The following NCAM1 variants were observed in gnomAD, a reference collection of about 807,000 sequenced individuals.
NCAM1 encodes the protein neural cell adhesion molecule 1, also known as antigen recognized by monoclonal antibody 5.1H11.
A neutral mutation model predicts 109.8 loss-of-function variants in NCAM1; 14 were observed. The observed-to-expected ratio is 0.13, with a 90% CI of 0.08 to 0.20. NCAM1 has a LOEUF of 0.20. Ranked by LOEUF, NCAM1 falls within the 10% of genes least tolerant of loss-of-function variation. NCAM1 has a pLI of 1.00. For missense variants in NCAM1, 774 were observed against 1,109.9 expected (o/e 0.70, Z 4.30); for synonymous variants, 418 against 442.9 (o/e 0.94, Z 0.70).
chr11:113,184,753 A>G (rs1943443885), intron 1 of NCAM1, among the ~76,000 whole-genome samples: 1 of 152,050 alleles, frequency 6.6e-6, no homozygotes, highest in Non-Finnish European at 1.5e-5. Context: ...AGATTGCCCA[A>G]CTGATCAGCT....
At chr11:113,180,478 A>G (rs1943297112) in intron 1 of NCAM1, among the ~76,000 whole-genome samples, 1 of 152,252 alleles carries the variant, frequency 6.6e-6, no homozygotes, top group Non-Finnish European at 1.5e-5. Flanking sequence ...ACTTGATACT[A>G]AAAGAATTAT....
In NCAM1 at chr11:113,233,466, C is replaced by T. The variant is rs1945069782; in HGVS notation, c.1693+149C>T. 3.5e-6 allele frequency: 3 copies of T among 849,566 alleles called. No individual in the cohort carries two copies. Among genetic ancestry groups the T allele is most frequent in the Non-Finnish European group, 3.6e-6 (2 of 555,832 alleles). 52.6% of individuals were successfully genotyped at this position (849,566 alleles called of 1,614,324 possible). On this transcript the variant is annotated intron_variant, in intron 13 of 19. Coordinates refer to ENST00000316851, the MANE Select transcript of NCAM1 (RefSeq NM_181351.5). The surrounding 1 kb of genome is among the most constrained non-coding windows in gnomAD (Gnocchi z 4.5). ...GTCATATCTGCCTGTAGAGTTGTTG[C>T]CCCTATTGCCACCCCAACCCATGCT...
intron 1 of NCAM1, among the ~76,000 whole-genome samples, chr11:113,192,169 G>T (rs1215945322): frequency 6.6e-6 from 1 of 152,202 alleles, no homozygotes; most frequent in Non-Finnish European, 1.5e-5. Flanking sequence ...GAGTCATTTT[G>T]TCAAGGTTTC....
intron 1 of NCAM1, among the ~76,000 whole-genome samples, chr11:112,990,131 C>T (rs1173320967): frequency 6.6e-6 from 1 of 152,152 alleles, no homozygotes; most frequent in African/African-American, 2.4e-5. Context: ...GGACTGTCTC[C>T]AGGACTTTGG....
At chr11:113,224,373 C>T (rs1565511022) in intron 9 of NCAM1, among the ~76,000 whole-genome samples, 1 of 152,194 alleles carries the variant, frequency 6.6e-6, no homozygotes, top group Non-Finnish European at 1.5e-5. Flanking sequence ...AAGGCGGCAG[C>T]AAGGCTGGGG....
Position 113,214,514 on chromosome 11 carries a change from A to G in NCAM1, c.1059+3A>G. On this transcript the variant is annotated splice_donor_region_variant and intron_variant, in intron 8 of 19. Coordinates refer to ENST00000316851, the MANE Select transcript of NCAM1 (RefSeq NM_181351.5). ...GGAACATCAGCAGCGAAGAAAAGGT[A>G]TCATGCTCCCCAGGAGTTTCAGGGC... The G allele has an allele frequency of 6.2e-7, 1 of 1,601,872 alleles. No homozygotes were observed. The highest frequency in any genetic ancestry group is 8.5e-7 in the Non-Finnish European group (1 of 1,174,008).
Position 113,277,435 on chromosome 11 carries a change from C to T in NCAM1, c.*2048C>T. 1 of 399,070 alleles carries T rather than the reference C, an allele frequency of 2.5e-6. No homozygotes were observed. Among genetic ancestry groups the T allele is most frequent in the Non-Finnish European group, 4.4e-6 (1 of 226,096 alleles). 24.7% of individuals were successfully genotyped at this position (399,070 alleles called of 1,614,324 possible). Reference sequence around the variant, plus strand: ...CCTGCACAGATCTCTGGTTCAAATGCACAGGCCCTCAGAATAGAGGAACAT... The same window carrying T: ...CCTGCACAGATCTCTGGTTCAAATGTACAGGCCCTCAGAATAGAGGAACAT... On this transcript the variant is annotated 3_prime_UTR_variant, in exon 20 of 20. Transcript: ENST00000316851.
chr11:113,252,804 T>C (rs1555121623), intron 15 of NCAM1, among the ~76,000 whole-genome samples: 1 of 122,924 alleles, frequency 8.1e-6, no homozygotes, highest in African/African-American at 3.2e-5. Flanking sequence ...CCCAGCTTTT[T>C]TTTTTTTTTT....
At chr11:113,009,914 G>A (rs781804217) in intron 1 of NCAM1, among the ~76,000 whole-genome samples, 6 of 152,098 alleles carry the variant, frequency 3.9e-5, no homozygotes, top group Admixed American at 1.3e-4. Flanking sequence ...AAGATCTTCA[G>A]GCACATGGAA....
intron 1 of NCAM1, among the ~76,000 whole-genome samples, chr11:113,019,411 A>G (rs1253341266): frequency 1.3e-5 from 2 of 152,208 alleles, no homozygotes; most frequent in Admixed American, 6.5e-5. Flanking sequence ...ATAGCTGATG[A>G]TAAACTCTGA....
intron 1 of NCAM1, among the ~76,000 whole-genome samples, chr11:113,082,081 G>T (rs1397691722): frequency 6.6e-6 from 1 of 152,100 alleles, no homozygotes; most frequent in Non-Finnish European, 1.5e-5. Flanking sequence ...CATATCAAAA[G>T]CTGCAATTGC....
rs186255806 is a variant in NCAM1, at chr11:113,273,220, C to A, written c.2456+1344C>A. 5 of 369,852 alleles carry A rather than the reference C, an allele frequency of 1.4e-5. No homozygotes were observed. Among genetic ancestry groups the A allele is most frequent in the Admixed American group, 1.0e-4 (3 of 29,538 alleles). 22.9% of individuals were successfully genotyped at this position (369,852 alleles called of 1,614,324 possible). On this transcript the variant is annotated intron_variant, in intron 19 of 19. Coordinates refer to ENST00000316851, the MANE Select transcript of NCAM1 (RefSeq NM_181351.5). The surrounding 1 kb of genome is among the most constrained non-coding windows in gnomAD (Gnocchi z 6.0). ...GCCCCCCTCGTTGACCTGAGCGACA[C>A]CCCGACCTCAACCCCTGCCGCTAGC...
At chr11:113,206,976 G>C (rs1944257152) in intron 5 of NCAM1, among the ~76,000 whole-genome samples, 1 of 152,160 alleles carries the variant, frequency 6.6e-6, no homozygotes, top group Non-Finnish European at 1.5e-5. Flanking sequence ...ACATAATGAA[G>C]AATAGTGACT....
intron 9 of NCAM1, chr11:113,231,308 T>G (rs782539999): frequency 6.5e-7 from 1 of 1,535,100 alleles, no homozygotes; most frequent in Non-Finnish European, 8.7e-7. Context: ...CAATATCTGC[T>G]GGCCGGAGGC....
chr11:113,050,140 T>A (rs1354078871), intron 1 of NCAM1, among the ~76,000 whole-genome samples: 3 of 47,552 alleles, frequency 6.3e-5, no homozygotes, highest in African/African-American at 1.7e-4. Flanking sequence ...AAACAGAGGG[T>A]GGGGGGGAAT....
chr11:113,209,291 T>G (rs1402990775), intron 7 of NCAM1, among the ~76,000 whole-genome samples: 2 of 152,200 alleles, frequency 1.3e-5, no homozygotes, highest in Non-Finnish European at 2.9e-5. Flanking sequence ...AGACTTTATA[T>G]GCAAATGTCC....
intron 1 of NCAM1, among the ~76,000 whole-genome samples, chr11:113,046,914 A>G (rs1174985849): frequency 6.6e-6 from 1 of 152,094 alleles, no homozygotes; most frequent in Admixed American, 6.6e-5. Context: ...AAGAAAGATG[A>G]TAGATAGATA....
At chr11:113,211,258 TAG>T (rs2136988804) in intron 7 of NCAM1, among the ~76,000 whole-genome samples, 1 of 151,768 alleles carries the variant, frequency 6.6e-6, no homozygotes, top group East Asian at 1.9e-4. Context: ...CAAGTGGGAG[TAG>T]AGTCTACAGC....
At chr11:113,160,803 C>CTT (rs1555104243) in intron 1 of NCAM1, among the ~76,000 whole-genome samples, 4 of 152,128 alleles carry the variant, frequency 2.6e-5, no homozygotes, top group Non-Finnish European at 4.4e-5. Context: ...AGGAATTCAC[C>CTT]ACAGATTGTA....
Sources: allele counts gnomAD v4.1 joint callset (sites outside exome capture counted in the v4.1 genomes callset), GRCh38; gene constraint gnomAD v4.1.1; non-coding constraint Gnocchi (gnomAD v3.1); transcripts MANE v1.5; gene names NCBI Gene and HGNC (gene_info 2026-07-23, HGNC 2026-07-21).